GABRB1: variants seen among roughly 807,000 people sequenced by gnomAD.
The protein encoded by GABRB1 is gamma-aminobutyric acid receptor subunit beta-1.
GABRB1 carries 17 observed loss-of-function variants against 51.6 expected under a neutral mutation model. The ratio of observed to expected loss-of-function variants is 0.33; its 90% CI spans 0.23 to 0.49. GABRB1 has a LOEUF of 0.49. Among genes scored for constraint, GABRB1 ranks in the 20% least tolerant of loss-of-function variants. The pLI, the probability that GABRB1 is intolerant of heterozygous loss-of-function variation, is 0.99. For missense variants in GABRB1, 410 were observed against 600.6 expected (o/e 0.68, Z 3.32); for synonymous variants, 247 against 218.9 (o/e 1.13, Z -1.14).
At chr4:47,077,199 A>G (rs1023702604) in intron 3 of GABRB1, among the ~76,000 whole-genome samples, 2 of 152,206 alleles carry the variant, frequency 1.3e-5, no homozygotes, top group African/African-American at 4.8e-5. Context: ...AAAACTCAGT[A>G]TATGTTACCA....
chr4:47,376,563 C>A (rs923913570), intron 5 of GABRB1, among the ~76,000 whole-genome samples: 4 of 152,164 alleles, frequency 2.6e-5, no homozygotes, highest in Admixed American at 2.0e-4. Context: ...AGGAGAATGG[C>A]GTGAACCCGG....
intron 3 of GABRB1, among the ~76,000 whole-genome samples, chr4:47,060,653 G>A (rs997334207): frequency 6.6e-6 from 1 of 152,102 alleles, no homozygotes; most frequent in Non-Finnish European, 1.5e-5. Flanking sequence ...GGCATGCTTT[G>A]TCTCCTTGTG....
intron 4 of GABRB1, among the ~76,000 whole-genome samples, chr4:47,318,213 G>A (rs1057089765): frequency 6.6e-6 from 1 of 151,932 alleles, no homozygotes; most frequent in African/African-American, 2.4e-5. Flanking sequence ...AGAATTAAAA[G>A]AGATAATGTA....
chr4:47,200,019 G>T (rs141384477), intron 4 of GABRB1, among the ~76,000 whole-genome samples: 1 of 152,172 alleles, frequency 6.6e-6, no homozygotes, highest in South Asian at 2.1e-4. Flanking sequence ...TACTCTAGCC[G>T]AAGTAATTCA....
chr4:47,344,090 G>A (rs752454322), intron 5 of GABRB1, among the ~76,000 whole-genome samples: 1 of 152,254 alleles, frequency 6.6e-6, no homozygotes, highest in Admixed American at 6.5e-5. Context: ...AATAATCATG[G>A]AATTTGAAGG....
At chr4:47,156,835 G>T (rs1336555451) in intron 3 of GABRB1, among the ~76,000 whole-genome samples, 1 of 151,954 alleles carries the variant, frequency 6.6e-6, no homozygotes, top group African/African-American at 2.4e-5. Flanking sequence ...AGACATGGTG[G>T]TGAACACCTG....
chr4:47,425,758 G>A lies in GABRB1; in HGVS notation c.1165G>A (p.Asp389Asn), dbSNP rs1255847912. Residue 389 changes from aspartate to asparagine, a missense_variant, in exon 9 of 9, where the codon GAC (aspartate) becomes AAC (asparagine). Asp to Asn is a conservative substitution (Grantham distance 23, BLOSUM62 1). This residue lies in a region of GABRB1 where 181 missense variants were observed against 195.6 expected (regional missense o/e 0.93). Transcript: ENST00000295454. Reference sequence around the variant, plus strand: ...CTCGGAAGTGCTCACGAGCGTGAGCGACCCCAAGGCCACCATGTACTCCTA... The same window carrying A: ...CTCGGAAGTGCTCACGAGCGTGAGCAACCCCAAGGCCACCATGTACTCCTA... ...SGSEVLTSVS[D>N]PKATMYSYDS... 4.3e-6 allele frequency: 7 copies of A among 1,614,148 alleles called. No individual in the cohort carries two copies. The highest frequency in any genetic ancestry group is 5.9e-6 in the Non-Finnish European group (7 of 1,180,020).
chr4:47,420,231 A>ACGGAG (rs2110066527), intron 8 of GABRB1, among the ~76,000 whole-genome samples: 1 of 152,320 alleles, frequency 6.6e-6, no homozygotes, highest in African/African-American at 2.4e-5. Context: ...TCCAGAAGGC[A>ACGGAG]CGGAGCCTAG....
chr4:47,057,513 A>G (rs1292685901), intron 3 of GABRB1, among the ~76,000 whole-genome samples: 2 of 152,368 alleles, frequency 1.3e-5, no homozygotes, highest in East Asian at 3.9e-4. Flanking sequence ...TAGGCTAAAG[A>G]TGAGTTCCTT....
chr4:47,211,338 T>C (rs1323879428), intron 4 of GABRB1, among the ~76,000 whole-genome samples: 2 of 152,194 alleles, frequency 1.3e-5, no homozygotes, highest in East Asian at 1.9e-4. Flanking sequence ...AAAAGTGTGC[T>C]TACTCCAATA....
At chr4:47,313,802 A>G (rs1304796628) in intron 4 of GABRB1, among the ~76,000 whole-genome samples, 1 of 152,102 alleles carries the variant, frequency 6.6e-6, no homozygotes, top group East Asian at 1.9e-4. Context: ...CTGAGTCTCA[A>G]TAATTCCTCC....
In GABRB1 at chr4:47,008,007, G is replaced by A. The variant is rs1299766202; in HGVS notation, c.-20+14081G>A. Among the ~76,000 whole-genome samples, 4 of 151,958 alleles carry A rather than the reference G, an allele frequency of 2.6e-5. No individual in the cohort carries two copies. The South Asian group carries it at 8.3e-4, about 32-fold the overall frequency. On this transcript the variant is annotated intron_variant, in intron 1 of 3. Transcript: ENST00000513567. Reference sequence around the variant, plus strand: ...TGGAGTGAAGAGAAGTATAGAGACAGGCACGACAATTTGCCCTTACGCATT... The same window carrying A: ...TGGAGTGAAGAGAAGTATAGAGACAAGCACGACAATTTGCCCTTACGCATT...
intron 3 of GABRB1, among the ~76,000 whole-genome samples, chr4:47,039,663 T>C (rs115762389): frequency 1.1e-4 from 17 of 152,280 alleles, no homozygotes; most frequent in African/African-American, 3.6e-4. Context: ...GAAATGAATC[T>C]TAGAAAAGAA....
chr4:47,241,005 T>C (rs1029514639), intron 4 of GABRB1, among the ~76,000 whole-genome samples: 1 of 152,252 alleles, frequency 6.6e-6, no homozygotes, highest in Admixed American at 6.5e-5. Flanking sequence ...ATCCAAAATA[T>C]AGAATCTTTT....
intron 4 of GABRB1, among the ~76,000 whole-genome samples, chr4:47,247,196 T>C (rs1721797680): frequency 6.6e-6 from 1 of 152,132 alleles, no homozygotes; most frequent in Admixed American, 6.6e-5. Context: ...AGTTGGTTTT[T>C]AACTTGAGAG....
At position 47,161,452 on chromosome 4, in the gene GABRB1, A is replaced by G. The variant is rs1430161458; in HGVS notation, c.444A>G (p.Thr148=). 3 of 1,611,588 alleles carry G rather than the reference A, an allele frequency of 1.9e-6. No homozygotes were observed. Among genetic ancestry groups the G allele is most frequent in the African/African-American group, 1.3e-5 (1 of 74,764 alleles). Residue 148 remains threonine, a synonymous_variant, in exon 4 of 9, where the codon ACA becomes ACG. Transcript: ENST00000295454. ...TGATTCGACTGCATCCTGATGGAAC[A>G]GTTCTCTATGGACTCCGGTAAATGG... is the stretch of plus-strand genomic sequence containing the variant. ...NRMIRLHPDG[T]VLYGLRITTT... is the part of the protein sequence containing the mutation.
intron 8 of GABRB1, among the ~76,000 whole-genome samples, chr4:47,417,509 G>C (rs1728968769): frequency 6.6e-6 from 1 of 151,762 alleles, no homozygotes; most frequent in African/African-American, 2.4e-5. Flanking sequence ...GGCAGCCCTG[G>C]TGAGCGCAAA....
intron 4 of GABRB1, among the ~76,000 whole-genome samples, chr4:47,179,936 C>T (rs1172194122): frequency 6.6e-6 from 1 of 151,984 alleles, no homozygotes; most frequent in Non-Finnish European, 1.5e-5. Context: ...CTTTAATATT[C>T]ATCCATTAAG....
At chr4:47,208,551 T>C (rs1278518568) in intron 4 of GABRB1, among the ~76,000 whole-genome samples, 3 of 152,058 alleles carry the variant, frequency 2.0e-5, no homozygotes, top group Admixed American at 6.6e-5. Context: ...CAAAAAACAT[T>C]GAATTGTATA....
Sources: gnomAD v4.1 joint callset for allele counts (sites outside exome capture counted in the v4.1 genomes callset) on GRCh38, gnomAD v4.1.1 for gene constraint, gnomAD v4.1.1 regional missense constraint, MANE v1.5 for transcripts, NCBI Gene and HGNC (gene_info 2026-07-23, HGNC 2026-07-21) for gene names.